FAM168A: variants seen among roughly 807,000 people sequenced by gnomAD.
FAM168A encodes the protein protein FAM168A.
A neutral mutation model predicts 28.5 loss-of-function variants in FAM168A; 3 were observed. That is an observed-to-expected ratio of 0.11 (90% CI 0.05 to 0.27). The LOEUF (loss-of-function observed/expected upper bound fraction) is 0.27, where lower values mean the gene tolerates loss of function less well. FAM168A is among the 10% of genes least tolerant of loss of function. The probability of loss-of-function intolerance (pLI) is 1.00; values close to 1 mark genes in which losing one functional copy is unlikely to be tolerated. For missense variants in FAM168A, 222 were observed against 311.5 expected, an observed-to-expected ratio of 0.71 and a Z score of 2.16; for synonymous variants, 122 against 124.2, an observed-to-expected ratio of 0.98 and a Z score of 0.12.
intron 1 of FAM168A, among the ~76,000 whole-genome samples, chr11:73,547,549 C>A (rs888883416): frequency 6.6e-6 from 1 of 152,044 alleles, no homozygotes. Context: ...GTAGTCCCAG[C>A]TACTTGGGAT....
intron 1 of FAM168A, among the ~76,000 whole-genome samples, chr11:73,549,232 A>C (rs942243692): frequency 5.9e-5 from 9 of 152,060 alleles, no homozygotes; most frequent in Non-Finnish European, 8.8e-5. Flanking sequence ...ATGAGCCACC[A>C]TGTCTGGCCT....
At chr11:73,487,971 T>C (rs1263232685) in intron 1 of FAM168A, among the ~76,000 whole-genome samples, 2 of 152,196 alleles carry the variant, frequency 1.3e-5, no homozygotes, top group South Asian at 2.1e-4. Flanking sequence ...ATCACTTGTA[T>C]TGACACTAGT....
intron 3 of FAM168A, chr11:73,424,922 G>A: frequency 4.0e-6 from 4 of 999,100 alleles, no homozygotes; most frequent in Non-Finnish European, 5.7e-6. Context: ...CCCAAGCCTA[G>A]GGGATGGGAT....
chr11:73,571,888 G>GC (rs1450628034), intron 1 of FAM168A, among the ~76,000 whole-genome samples: 1 of 150,316 alleles, frequency 6.7e-6, no homozygotes, highest in African/African-American at 2.5e-5. Flanking sequence ...GAGCGCCCCT[G>GC]CCCCACCGCC....
At chr11:73,439,216 C>T (rs566229529) in intron 2 of FAM168A, among the ~76,000 whole-genome samples, 21 of 152,092 alleles carry the variant, frequency 1.4e-4, no homozygotes, top group Non-Finnish European at 2.6e-4. Flanking sequence ...CTTCCACTGG[C>T]GAGCTGCAGG....
intron 2 of FAM168A, among the ~76,000 whole-genome samples, chr11:73,459,747 A>G (rs564722633): frequency 3.5e-4 from 53 of 152,320 alleles, no homozygotes; most frequent in African/African-American, 1.2e-3. Context: ...CCAAGTAGGC[A>G]AGGAAAGAGG....
chr11:73,528,179 T>C (rs533902903), intron 1 of FAM168A, among the ~76,000 whole-genome samples: 2 of 152,352 alleles, frequency 1.3e-5, no homozygotes, highest in African/African-American at 4.8e-5. Context: ...CCAGGCCATG[T>C]GCAATACTCT....
chr11:73,487,115 C>T (rs151275896), intron 1 of FAM168A, among the ~76,000 whole-genome samples: 37 of 152,036 alleles, frequency 2.4e-4, no homozygotes, highest in African/African-American at 8.2e-4. Context: ...TGCTTTTTTC[C>T]TTTTTTCCAA....
chr11:73,585,997 G>A (rs1944309892), intron 1 of FAM168A, among the ~76,000 whole-genome samples: 1 of 151,952 alleles, frequency 6.6e-6, no homozygotes, highest in South Asian at 2.1e-4. Context: ...CATTAGCTCA[G>A]AGTGGGTGAG....
chr11:73,550,665 A>C (rs1182677393), intron 1 of FAM168A, among the ~76,000 whole-genome samples: 1 of 151,950 alleles, frequency 6.6e-6, no homozygotes, highest in Non-Finnish European at 1.5e-5. Flanking sequence ...AAAAATAAAC[A>C]AACAATAAGT....
chr11:73,507,157 T>C lies in FAM168A; in HGVS notation c.-18-38665A>G, dbSNP rs576249727. Among the ~76,000 whole-genome samples, 9 of 152,352 alleles carry C rather than the reference T, an allele frequency of 5.9e-5. No homozygotes were observed. The East Asian group carries it at 1.7e-3, about 29-fold the overall frequency. On this transcript the variant is annotated intron_variant, in intron 1 of 7. Transcript: ENST00000356467. ...CTACTCAGTTAGAGACTTTTGTTTT[T>C]TCCCCACGAACTATATGGTGGGAGC...
chr11:73,470,578 C>T (rs12290367), intron 1 of FAM168A, among the ~76,000 whole-genome samples: 19,836 of 152,120 alleles, frequency 0.13, 3,956 homozygotes, highest in African/African-American at 0.43. Flanking sequence ...GTGGGTTCCT[C>T]ACAAAAGGAT....
At chr11:73,591,248 T>C (rs1386900360) in intron 1 of FAM168A, among the ~76,000 whole-genome samples, 2 of 152,208 alleles carry the variant, frequency 1.3e-5, no homozygotes, top group Non-Finnish European at 2.9e-5. Context: ...ATCAGGTTTT[T>C]AAATACGAGC....
chr11:73,432,736 A>T (rs12292269), intron 2 of FAM168A, among the ~76,000 whole-genome samples: 1 of 151,980 alleles, frequency 6.6e-6, no homozygotes, highest in African/African-American at 2.4e-5. Flanking sequence ...ACAAGGTGAA[A>T]CCCCGTCTCT....
intron 1 of FAM168A, among the ~76,000 whole-genome samples, chr11:73,496,504 A>C (rs1854878697): frequency 6.6e-6 from 1 of 152,244 alleles, no homozygotes; most frequent in Admixed American, 6.5e-5. Context: ...ACTGTAGTGT[A>C]TACTTAAAAA....
intron 1 of FAM168A, among the ~76,000 whole-genome samples, chr11:73,477,327 C>T (rs925298567): frequency 8.6e-5 from 13 of 151,754 alleles, no homozygotes; most frequent in African/African-American, 1.9e-4. Context: ...AATTTACCCA[C>T]GTAACAAATC....
At chr11:73,542,693 C>G (rs1334001833) in intron 1 of FAM168A, among the ~76,000 whole-genome samples, 1 of 152,202 alleles carries the variant, frequency 6.6e-6, no homozygotes, top group Non-Finnish European at 1.5e-5. Context: ...GAGTAAAATA[C>G]AAGGTCATTA....
chr11:73,445,398 T>C (rs1867283003), intron 2 of FAM168A, among the ~76,000 whole-genome samples: 2 of 146,488 alleles, frequency 1.4e-5, no homozygotes, highest in African/African-American at 2.5e-5. Context: ...AAACACCCAG[T>C]AGATATATGT....
chr11:73,456,463 G>T (rs1014610488), intron 2 of FAM168A, among the ~76,000 whole-genome samples: 1 of 152,106 alleles, frequency 6.6e-6, no homozygotes, highest in Non-Finnish European at 1.5e-5. Context: ...TACATGGAAA[G>T]CATGTCTCTC....
Sources: gnomAD v4.1 joint callset for allele counts (sites outside exome capture counted in the v4.1 genomes callset) on GRCh38, gnomAD v4.1.1 for gene constraint, MANE v1.5 for transcripts, NCBI Gene and HGNC (gene_info 2026-07-23, HGNC 2026-07-21) for gene names.